Variants in PLA2G4E observed in about 807,000 individuals in gnomAD.
PLA2G4E encodes the protein cytosolic phospholipase A2 epsilon.
In PLA2G4E, 84 loss-of-function variants were observed where a neutral mutation model predicts 109.1. The observed-to-expected ratio is 0.77, with a 90% CI of 0.65 to 0.92. The LOEUF (loss-of-function observed/expected upper bound fraction) is 0.92, where lower values mean the gene tolerates loss of function less well. Among genes scored for constraint, PLA2G4E ranks in the 40% least tolerant of loss-of-function variants. The pLI is 0.00. For missense variants in PLA2G4E, 1,057 were observed against 1,076.6 expected (o/e 0.98, Z 0.25); for synonymous variants, 469 against 436.1 (o/e 1.08, Z -0.94).
intron 10 of PLA2G4E, chr15:41,997,497 A>G: frequency 2.8e-6 from 1 of 357,354 alleles, no homozygotes; most frequent in East Asian, 4.6e-5. Context: ...AGCTGGCACA[A>G]TGCGAGCTGG....
chr15:42,041,820 TCCCTTTGCTGAGGGA>T (rs1889321259), intron 1 of PLA2G4E, among the ~76,000 whole-genome samples: 1 of 152,146 alleles, frequency 6.6e-6, no homozygotes, highest in African/African-American at 2.4e-5. Flanking sequence ...GGTCACCAGG[TCCCTTTGCTGAGGGA>T]CCCTCCTCAT....
At chr15:41,992,608 G>A (rs2068268928) in intron 13 of PLA2G4E, 129 bp downstream of exon 13, 1 of 876,160 alleles carries the variant, frequency 1.1e-6, no homozygotes, top group Non-Finnish European at 1.7e-6. Context: ...CGGTCTTCCA[G>A]CCCAAGGATA....
chr15:41,987,442 C>A, intron 16 of PLA2G4E, 67 bp from the exon 17 acceptor site: 1 of 1,484,888 alleles, frequency 6.7e-7, no homozygotes, highest in Non-Finnish European at 9.3e-7. Context: ...CTATGCGAAG[C>A]CCCACATGGT....
chr15:42,040,186 T>G (rs1057011415), intron 1 of PLA2G4E, among the ~76,000 whole-genome samples: 1 of 151,694 alleles, frequency 6.6e-6, no homozygotes, highest in Non-Finnish European at 1.5e-5. Flanking sequence ...TACAAAACTT[T>G]AAAACACACA....
intron 1 of PLA2G4E, among the ~76,000 whole-genome samples, chr15:42,036,298 A>G (rs1889213877): frequency 6.6e-6 from 1 of 152,016 alleles, no homozygotes; most frequent in South Asian, 2.1e-4. Context: ...GCAGCTGGGG[A>G]GCAGCGCGAC....
exon 20 of PLA2G4E, chr15:41,983,308 A>G (rs1464782701): frequency 6.0e-6 from 1 of 165,630 alleles, no homozygotes; most frequent in Non-Finnish European, 1.3e-5. Context: ...TAAATTTTGA[A>G]GTGTTTTTCC....
chr15:42,000,383 T>C, intron 7 of PLA2G4E, 101 bp from the exon 8 acceptor site: 2 of 1,131,522 alleles, frequency 1.8e-6, no homozygotes, highest in Non-Finnish European at 2.5e-6. Flanking sequence ...AGGAGGAGTT[T>C]AGAATCACCT....
intron 1 of PLA2G4E, among the ~76,000 whole-genome samples, chr15:42,037,118 G>A (rs906219313): frequency 6.6e-6 from 1 of 152,226 alleles, no homozygotes; most frequent in African/African-American, 2.4e-5. Flanking sequence ...GGGCAGCTCC[G>A]TGCTGGCCTG....
At chr15:42,039,732 G>A (rs1889280907) in intron 1 of PLA2G4E, among the ~76,000 whole-genome samples, 1 of 151,884 alleles carries the variant, frequency 6.6e-6, no homozygotes, top group Non-Finnish European at 1.5e-5. Flanking sequence ...AACCTAAGGA[G>A]AAATAAATAA....
At chr15:42,047,122 A>T (rs891404571) in intron 1 of PLA2G4E, among the ~76,000 whole-genome samples, 9 of 152,230 alleles carry the variant, frequency 5.9e-5, no homozygotes. Flanking sequence ...ATTTATAAAG[A>T]ACAGAAATCT....
intron 1 of PLA2G4E, among the ~76,000 whole-genome samples, chr15:42,026,951 C>A (rs191900123): frequency 6.9e-6 from 1 of 145,510 alleles, no homozygotes; most frequent in Non-Finnish European, 1.5e-5. Context: ...CCAACCTGGG[C>A]GACAGAGCAA....
exon 20 of PLA2G4E, chr15:41,983,115 T>A (rs2068084771): frequency 6.6e-6 from 1 of 152,412 alleles, no homozygotes; most frequent in Non-Finnish European, 1.5e-5. Flanking sequence ...ATACAAAAAA[T>A]TAGCTGGGCA....
chr15:42,039,202 T>A lies in PLA2G4E; in HGVS notation c.183+11319A>T, dbSNP rs182757445. Among the ~76,000 whole-genome samples the A allele has an allele frequency of 2.9e-4, 44 of 152,284 alleles. No individual in the cohort carries two copies. In the East Asian group the frequency reaches 6.6e-3, roughly 23 times the overall value. Reference sequence around the variant, plus strand: ...GTAGTTATCCAAAGCTACAAGACTATTTATGCCCAAGTAATTACACTCTTG... The same window carrying A: ...GTAGTTATCCAAAGCTACAAGACTAATTATGCCCAAGTAATTACACTCTTG... On this transcript the variant is annotated intron_variant, in intron 1 of 19. Coordinates refer to ENST00000399518, the Ensembl canonical transcript of PLA2G4E.
exon 19 of PLA2G4E, chr15:41,984,530 T>G (rs1242181461): frequency 3.7e-6 from 6 of 1,613,918 alleles, no homozygotes; most frequent in Non-Finnish European, 5.1e-6. Flanking sequence ...TCAGGTAGCA[T>G]TCCTTGAGAT....
chr15:42,018,488 C>A (rs1302857846), intron 1 of PLA2G4E, among the ~76,000 whole-genome samples: 1 of 152,014 alleles, frequency 6.6e-6, no homozygotes, highest in African/African-American at 2.4e-5. Flanking sequence ...GGAGTAGGGA[C>A]AGGCATTCAT....
intron 1 of PLA2G4E, among the ~76,000 whole-genome samples, chr15:42,047,592 A>G (rs562852432): frequency 6.6e-6 from 1 of 152,330 alleles, no homozygotes; most frequent in African/African-American, 2.4e-5. Context: ...TTCAGACCAT[A>G]GCGGTGGGTC....
intron 1 of PLA2G4E, among the ~76,000 whole-genome samples, chr15:42,033,357 G>A (rs1249059617): frequency 1.3e-5 from 2 of 152,168 alleles, no homozygotes; most frequent in African/African-American, 4.8e-5. Flanking sequence ...AATACCCTGG[G>A]GATTTTTTCA....
chr15:42,005,042 C>T, intron 4 of PLA2G4E, 64 bp from the exon 5 acceptor site: 2 of 1,586,030 alleles, frequency 1.3e-6, no homozygotes, highest in Non-Finnish European at 1.7e-6. Flanking sequence ...GACCAGAACC[C>T]TTTGCCACCC....
intron 1 of PLA2G4E, among the ~76,000 whole-genome samples, chr15:42,020,134 C>T (rs1196112424): frequency 6.6e-6 from 1 of 152,268 alleles, no homozygotes. Flanking sequence ...CTGACTTGGG[C>T]TCCTAGGAGA....
Sources: gnomAD v4.1 joint callset for allele counts (sites outside exome capture counted in the v4.1 genomes callset) on GRCh38, gnomAD v4.1.1 for gene constraint, MANE v1.5 for transcripts, NCBI Gene and HGNC (gene_info 2026-07-23, HGNC 2026-07-21) for gene names.